The following UFSP2 variants were observed in gnomAD, a reference collection of about 807,000 sequenced individuals.
UFSP2 encodes ufm1-specific protease 2.
A neutral mutation model predicts 60.2 loss-of-function variants in UFSP2; 43 were observed. The observed-to-expected ratio is 0.71, with a 90% CI of 0.56 to 0.92. The LOEUF is 0.92. Among genes scored for constraint, UFSP2 ranks in the 40% least tolerant of loss-of-function variants. UFSP2 has a pLI of 0.00. For missense variants in UFSP2, 520 were observed against 575.0 expected, an observed-to-expected ratio of 0.90 and a Z score of 0.98; for synonymous variants, 183 against 195.1, an observed-to-expected ratio of 0.94 and a Z score of 0.52.
At chr4:185,411,971 A>AAAGG (rs2095530176) in intron 7 of UFSP2, among the ~76,000 whole-genome samples, 1 of 152,196 alleles carries the variant, frequency 6.6e-6, no homozygotes, top group Non-Finnish European at 1.5e-5. Context: ...TACTTTTTAA[A>AAAGG]AAGGAAGGAA....
At chr4:185,410,663 T>C (rs1442201099) in intron 7 of UFSP2, among the ~76,000 whole-genome samples, 2 of 122,710 alleles carry the variant, frequency 1.6e-5, no homozygotes, top group African/African-American at 6.1e-5. Flanking sequence ...AAAGAAAGAT[T>C]AGGCCGGGCG....
intron 1 of UFSP2, among the ~76,000 whole-genome samples, chr4:185,425,516 C>T (rs1288818414): frequency 1.3e-5 from 2 of 152,162 alleles, no homozygotes; most frequent in Admixed American, 1.3e-4. Context: ...GGAAATACCA[C>T]GGGAACTAGG....
chr4:185,413,641 A>G, intron 7 of UFSP2, 85 bp downstream of exon 7: 1 of 1,279,584 alleles, frequency 7.8e-7, no homozygotes, highest in Admixed American at 2.5e-5. Flanking sequence ...TACATAATGA[A>G]TCAAGTCTCC....
intron 9 of UFSP2, among the ~76,000 whole-genome samples, chr4:185,406,359 A>G (rs187876429): frequency 6.0e-4 from 92 of 152,264 alleles, no homozygotes; most frequent in African/African-American, 1.9e-3. Flanking sequence ...AAACTGCAAA[A>G]TGTTTTCAAG....
chr4:185,425,840 G>A, intron 1 of UFSP2, 26 bp downstream of exon 1: 1 of 1,601,552 alleles, frequency 6.2e-7, no homozygotes, highest in Admixed American at 1.7e-5. Flanking sequence ...AAAACACAGG[G>A]GTCGGTGACG....
Position 185,400,241 on chromosome 4 carries a change from ATACATTCTCCGTGCAGTATT to A in UFSP2, c.*131_*150del, listed in dbSNP as rs879231501. 26 of 740,412 alleles carry A rather than the reference ATACATTCTCCGTGCAGTATT, an allele frequency of 3.5e-5. 2 individuals carry two copies. In the South Asian group the frequency reaches 5.1e-4, roughly 15 times the overall value. 45.9% of individuals were successfully genotyped at this position (740,412 alleles called of 1,614,324 possible). On this transcript the variant is annotated 3_prime_UTR_variant, in exon 12 of 12. Transcript: ENST00000264689. ...AAGTTATTAAAGGAACGTCTAAAAA[ATACATTCTCCGTGCAGTATT>A]TACAACCTTTGAAAAAGGTCATAAT...
At chr4:185,407,664 A>T (rs2095522803) in intron 9 of UFSP2, among the ~76,000 whole-genome samples, 1 of 152,134 alleles carries the variant, frequency 6.6e-6, no homozygotes, top group South Asian at 2.1e-4. Flanking sequence ...ACGTTAATAT[A>T]TTTTTAAGTT....
chr4:185,415,435 TA>T, intron 5 of UFSP2, 88 bp from the exon 6 acceptor site: 1 of 1,144,528 alleles, frequency 8.7e-7, no homozygotes, highest in East Asian at 2.8e-5. Flanking sequence ...CTTAGTATAG[TA>T]AAAAACTTGA....
At chr4:185,405,920 G>A in intron 9 of UFSP2, 64 bp from the exon 10 acceptor site, 1 of 1,611,972 alleles carries the variant, frequency 6.2e-7, no homozygotes, top group African/African-American at 1.3e-5. Context: ...TAATGAGCTA[G>A]GAGACAATGT....
intron 4 of UFSP2, among the ~76,000 whole-genome samples, chr4:185,416,478 A>G (rs2095538894): frequency 6.6e-6 from 1 of 152,238 alleles, no homozygotes; most frequent in African/African-American, 2.4e-5. Context: ...AATTTACACT[A>G]AACTTATTTC....
intron 1 of UFSP2, among the ~76,000 whole-genome samples, 195 bp from the exon 2 acceptor site, chr4:185,422,758 A>G (rs2095551769): frequency 1.3e-5 from 2 of 152,232 alleles, no homozygotes; most frequent in Admixed American, 1.3e-4. Flanking sequence ...GGGGTTCTCA[A>G]CCTTTGTTCT....
Position 185,415,853 on chromosome 4 carries a change from A to G in UFSP2, c.348T>C (p.Asn116=). 1.2e-6 allele frequency: 2 copies of G among 1,613,174 alleles called. No homozygotes were observed. The highest frequency in any genetic ancestry group is 1.7e-6 in the Non-Finnish European group (2 of 1,179,406). ...TTGACATTTCCAGCATAAGATCTAT[A>G]TTTACTATTTGATGCTATATAGATA... ...KKLSDMHQIV[N]IDLMLEMSTS... is the part of the protein sequence containing the mutation. The change falls in exon 5 of 12, where the codon AAT becomes AAC. Residue 116 remains asparagine, a synonymous_variant. Coordinates refer to ENST00000264689, the MANE Select transcript of UFSP2 (RefSeq NM_018359.5).
At position 185,417,085 on chromosome 4, in the gene UFSP2, TTAAG is replaced by T. The variant is rs148036684; in HGVS notation, c.334-1222_334-1219del. On this transcript the variant is annotated intron_variant, in intron 4 of 11. Coordinates refer to ENST00000264689, the MANE Select transcript of UFSP2 (RefSeq NM_018359.5). ...ATGGAGAAAACTGGTGGATACCATC[TTAAG>T]TAAGTGAAGTTAACCTCACCAATAA... 3.3e-3 allele frequency among the ~76,000 whole-genome samples: 508 copies of T among 152,224 alleles called. 3 individuals are homozygous for T. Among genetic ancestry groups the T allele is most frequent in the African/African-American group, 0.012 (487 of 41,550 alleles).
rs2095511222 is a variant in UFSP2 at position 185,399,956 on chromosome 4, G to A, written c.*436C>T. 12 of 1,580,908 alleles carry A rather than the reference G, an allele frequency of 7.6e-6. No individual in the cohort carries two copies. Among genetic ancestry groups the A allele is most frequent in the East Asian group, 2.3e-5 (1 of 44,324 alleles). ...CCAAAAATGGGACTGCATGGTGGAA[G>A]TTTGGGGATAAAACTCTTTTTAAAA... is the stretch of plus-strand genomic sequence containing the variant. On this transcript the variant is annotated 3_prime_UTR_variant, in exon 12 of 12. Transcript: ENST00000264689.
At chr4:185,403,903 G>A (rs1179695025) in intron 10 of UFSP2, among the ~76,000 whole-genome samples, 6 of 148,234 alleles carry the variant, frequency 4.0e-5, no homozygotes, top group African/African-American at 7.5e-5. Flanking sequence ...CCTGGGAGAC[G>A]GAGCTTGCAC....
chr4:185,407,468 T>C (rs1442598453), intron 9 of UFSP2, among the ~76,000 whole-genome samples: 3 of 152,132 alleles, frequency 2.0e-5, no homozygotes, highest in Non-Finnish European at 4.4e-5. Flanking sequence ...GTTAAGATCA[T>C]TGGAAAAGAC....
chr4:185,400,348 A>T lies in UFSP2; in HGVS notation c.*44T>A, dbSNP rs2095511803. 1 of 1,433,474 alleles carries T rather than the reference A, an allele frequency of 7.0e-7. No homozygotes were observed. Among genetic ancestry groups the T allele is most frequent in the African/African-American group, 1.4e-5 (1 of 69,960 alleles). 88.8% of individuals were successfully genotyped at this position (1,433,474 alleles called of 1,614,324 possible). A position where few individuals can be genotyped will look rare whatever the true frequency, so the allele number is the denominator to read the frequency against. On this transcript the variant is annotated 3_prime_UTR_variant, in exon 12 of 12. Coordinates refer to ENST00000264689, the MANE Select transcript of UFSP2 (RefSeq NM_018359.5). ...AAATTAAACTGATTCTTTATTCACA[A>T]ATTTATAATACCACTCTACTGCAGT...
At chr4:185,413,665 C>CA in intron 7 of UFSP2, 61 bp downstream of exon 7, 5 of 1,502,704 alleles carry the variant, frequency 3.3e-6, no homozygotes, top group Non-Finnish European at 4.5e-6. Context: ...TGGGTACCAA[C>CA]AAAAAACAAC....
At chr4:185,419,852 T>C (rs902708397) in intron 2 of UFSP2, among the ~76,000 whole-genome samples, 5 of 152,370 alleles carry the variant, frequency 3.3e-5, no homozygotes, top group African/African-American at 1.2e-4. Flanking sequence ...TTGGCTATCA[T>C]ATATATGCTG....
Sources: allele counts gnomAD v4.1 joint callset (sites outside exome capture counted in the v4.1 genomes callset), GRCh38; gene constraint gnomAD v4.1.1; transcripts MANE v1.5; gene names NCBI Gene and HGNC (gene_info 2026-07-23, HGNC 2026-07-21).